Variants in ADGRF3 observed in about 807,000 individuals in gnomAD.
The protein encoded by ADGRF3 is G protein-coupled receptor 113.
A neutral mutation model predicts 93.2 loss-of-function variants in ADGRF3; 85 were observed. The ratio of observed to expected loss-of-function variants is 0.91; its 90% CI spans 0.77 to 1.09. The LOEUF (loss-of-function observed/expected upper bound fraction) is 1.09. Ranked by LOEUF, ADGRF3 falls within the 50% of genes least tolerant of loss-of-function variation. The pLI is 0.00. For synonymous variants in ADGRF3, 534 were observed against 532.5 expected (o/e 1.00, Z -0.04); for missense variants, 1,125 against 1,246.2 (o/e 0.90, Z 1.46).
chr2:26,324,630 A>C (rs1350036850), intron 1 of ADGRF3, among the ~76,000 whole-genome samples: 2 of 152,220 alleles, frequency 1.3e-5, no homozygotes, highest in Non-Finnish European at 2.9e-5. Flanking sequence ...AGCTCCATCC[A>C]TGTCCCTGCA....
intron 1 of ADGRF3, among the ~76,000 whole-genome samples, chr2:26,343,226 A>AT (rs2147931945): frequency 6.6e-6 from 1 of 152,270 alleles, no homozygotes; most frequent in Admixed American, 6.5e-5. Context: ...AAACATGGTT[A>AT]TATGGAGCAT....
Position 26,311,231 on chromosome 2 carries a change from AGAGGAATGG to A in ADGRF3, c.2284_2292del (p.Pro762_Leu764del). 1 of 1,607,776 alleles carries A rather than the reference AGAGGAATGG, an allele frequency of 6.2e-7. No homozygotes were observed. Among genetic ancestry groups the A allele is most frequent in the South Asian group, 1.1e-5 (1 of 90,214 alleles). On this transcript the variant is annotated inframe_deletion, in exon 10 of 14. Coordinates refer to ENST00000651242, the MANE Select transcript of ADGRF3 (RefSeq NM_001321971.2). The stretch of plus-strand genomic sequence containing the variant: ...CAGAGCGGGCTTCGGGGCCCTGGAG[AGAGGAATGG>A]GGCGCCCAGGAAGCAAGTGTCTGCG...
rs192033690 is a variant in ADGRF3 at position 26,331,318 on chromosome 2, G to T, written c.115-13756C>A. On this transcript the variant is annotated intron_variant, in intron 1 of 13. Transcript: ENST00000651242. ...ACCTGTAATCACTTTAGGAGGCCGAGGCGGGTGGATCACCTGAGGTCAGGA... is the reference window on the plus strand; with the variant it reads ...ACCTGTAATCACTTTAGGAGGCCGATGCGGGTGGATCACCTGAGGTCAGGA... Among the ~76,000 whole-genome samples, 12 of 152,306 alleles carry T rather than the reference G, an allele frequency of 7.9e-5. No homozygotes were observed. In the East Asian group the frequency reaches 2.3e-3, roughly 29 times the overall value.
In ADGRF3 at chr2:26,308,448, C is replaced by A. The variant is rs1199486514; in HGVS notation, c.*638G>T. On this transcript the variant is annotated 3_prime_UTR_variant, in exon 14 of 14. Coordinates refer to ENST00000651242, the MANE Select transcript of ADGRF3 (RefSeq NM_001321971.2). ...TTAATTGATATAAATTTATATTAAACTTTAAATTTTTATAACCTATTCTTA... is the reference window on the plus strand; with the variant it reads ...TTAATTGATATAAATTTATATTAAAATTTAAATTTTTATAACCTATTCTTA... 1 of 151,948 alleles carries A rather than the reference C, an allele frequency of 6.6e-6. No individual in the cohort carries two copies. The highest frequency in any genetic ancestry group is 2.4e-5 in the African/African-American group (1 of 41,388). 9.4% of individuals were successfully genotyped at this position (151,948 alleles called of 1,614,324 possible).
intron 1 of ADGRF3, chr2:26,318,840 A>G (rs1434524298): frequency 2.1e-6 from 3 of 1,460,924 alleles, no homozygotes; most frequent in East Asian, 2.5e-5. Flanking sequence ...CTTACACATT[A>G]CTTCCTCTCC....
At chr2:26,339,019 G>A (rs1245455246) in intron 1 of ADGRF3, among the ~76,000 whole-genome samples, 1 of 145,832 alleles carries the variant, frequency 6.9e-6, no homozygotes, top group Non-Finnish European at 1.5e-5. Context: ...ACAGGCTGAA[G>A]CAGAACAATT....
intron 1 of ADGRF3, among the ~76,000 whole-genome samples, chr2:26,319,565 CCCTTCCTTCCTTCCTTCCTT>C (rs1221160490): frequency 3.3e-4 from 16 of 48,184 alleles, no homozygotes; most frequent in African/African-American, 1.2e-3. Context: ...CTCCCTCCCT[CCCTTCCTTCCTTCCTTCCTT>C]CCTTCCTTCC....
At chr2:26,317,685 T>C in intron 1 of ADGRF3, 123 bp from the exon 2 acceptor site, 1 of 880,156 alleles carries the variant, frequency 1.1e-6, no homozygotes, top group South Asian at 1.5e-5. Context: ...AGGAGTCAAG[T>C]GTACACATCA....
At chr2:26,332,541 AC>A (rs1467452924) in intron 1 of ADGRF3, among the ~76,000 whole-genome samples, 2 of 152,174 alleles carry the variant, frequency 1.3e-5, no homozygotes, top group Admixed American at 6.5e-5. Flanking sequence ...GAAGTTTGAG[AC>A]CAGCCTGGGC....
intron 1 of ADGRF3, among the ~76,000 whole-genome samples, chr2:26,336,913 T>C (rs1676086021): frequency 1.3e-5 from 2 of 151,928 alleles, no homozygotes; most frequent in African/African-American, 2.4e-5. Context: ...GGGTTGGAAA[T>C]GGACTGAAGA....
Position 26,310,062 on chromosome 2 carries a change from G to A in ADGRF3, c.2918C>T (p.Pro973Leu). 1 of 1,614,060 alleles carries A rather than the reference G, an allele frequency of 6.2e-7. No individual in the cohort carries two copies. The highest frequency in any genetic ancestry group is 2.2e-5 in the East Asian group (1 of 44,888). The change falls in exon 12 of 14, where the codon CCC becomes CTC. Residue 973 changes from proline (P) to leucine (L), a missense_variant. Coordinates refer to ENST00000651242, the MANE Select transcript of ADGRF3 (RefSeq NM_001321971.2). ...ACTCACCAGGGAGATGGTGGAGCTGGGGGCTTGGGCGCGGCAGAAGCGTTT... is the reference window on the plus strand; with the variant it reads ...ACTCACCAGGGAGATGGTGGAGCTGAGGGCTTGGGCGCGGCAGAAGCGTTT... ...LRKRFCRAQAPSSTISLATNE... is the reference protein window; with the variant it reads ...LRKRFCRAQALSSTISLATNE...
Position 26,346,456 on chromosome 2 carries a change from G to C in ADGRF3, c.-222C>G. Reference sequence around the variant, plus strand: ...TCCTGGGGATTGGGGGTCGGGGAGCGTGGGAGCATCCTAAGCCCGCCGCCC... The same window carrying C: ...TCCTGGGGATTGGGGGTCGGGGAGCCTGGGAGCATCCTAAGCCCGCCGCCC... On this transcript the variant is annotated 5_prime_UTR_variant, in exon 1 of 14. Coordinates refer to ENST00000651242, the MANE Select transcript of ADGRF3 (RefSeq NM_001321971.2). The C allele has an allele frequency of 1.2e-6, 1 of 824,056 alleles. No individual in the cohort carries two copies. Among genetic ancestry groups the C allele is most frequent in the Non-Finnish European group, 1.8e-6 (1 of 562,146 alleles). The allele number at this position is 824,056 out of a possible 1,614,324, so 51.0% of individuals were successfully genotyped here.
chr2:26,325,842 T>G (rs546251374), intron 1 of ADGRF3, among the ~76,000 whole-genome samples: 1 of 152,210 alleles, frequency 6.6e-6, no homozygotes, highest in Non-Finnish European at 1.5e-5. Flanking sequence ...TTAATGAAAA[T>G]TATTTTATAA....
At position 26,316,934 on chromosome 2, in the gene ADGRF3, G is replaced by A. The variant is rs1257327532; in HGVS notation, c.303C>T (p.Leu101=). ...ASASSSPRPL[L]TGLRLTTECN... ...TACCTGTTGTGAGTCTGAGGCCAGT[G>A]AGAAGAGGCCTTGGGGAAGAGGAAG... The change falls in exon 3 of 14, where the codon CTC becomes CTT. Residue 101 remains leucine (L), a synonymous_variant. Transcript: ENST00000651242. The A allele has an allele frequency of 1.9e-6, 3 of 1,611,370 alleles. No individual in the cohort carries two copies. The highest frequency in any genetic ancestry group is 1.7e-6 in the Non-Finnish European group (2 of 1,179,170).
intron 1 of ADGRF3, among the ~76,000 whole-genome samples, chr2:26,320,350 G>A (rs1455532288): frequency 1.3e-5 from 2 of 152,142 alleles, no homozygotes; most frequent in Non-Finnish European, 2.9e-5. Flanking sequence ...TACAAAATTA[G>A]CCAGGCGTGG....
intron 1 of ADGRF3, among the ~76,000 whole-genome samples, chr2:26,336,547 A>G (rs1574731900): frequency 6.6e-6 from 1 of 151,680 alleles, no homozygotes; most frequent in Admixed American, 6.6e-5. Flanking sequence ...CCAACATGGC[A>G]AAACCCTGTC....
chr2:26,309,686 G>A, intron 12 of ADGRF3, 105 bp from the exon 13 acceptor site: 3 of 1,440,984 alleles, frequency 2.1e-6, no homozygotes, highest in Non-Finnish European at 2.8e-6. Flanking sequence ...ACTCCTGCCT[G>A]TGCTGCAGGA....
At chr2:26,339,820 GC>G (rs1036791580) in intron 1 of ADGRF3, among the ~76,000 whole-genome samples, 98 of 152,230 alleles carry the variant, frequency 6.4e-4, no homozygotes, top group African/African-American at 2.3e-3. Flanking sequence ...TAACAACCTG[GC>G]CATTGTTGAG....
At chr2:26,324,974 C>T (rs933182798) in intron 1 of ADGRF3, among the ~76,000 whole-genome samples, 3 of 152,186 alleles carry the variant, frequency 2.0e-5, no homozygotes, top group Non-Finnish European at 2.9e-5. Context: ...CACAGCCTTG[C>T]CAGCATCTGT....
Sources: allele counts gnomAD v4.1 joint callset (sites outside exome capture counted in the v4.1 genomes callset), GRCh38; gene constraint gnomAD v4.1.1; transcripts MANE v1.5; gene names NCBI Gene and HGNC (gene_info 2026-07-23, HGNC 2026-07-21).